Variants in SUMF1 observed in about 807,000 individuals in gnomAD.
The protein encoded by SUMF1 is formylglycine-generating enzyme.
SUMF1 carries 48 observed loss-of-function variants against 47.6 expected under a neutral mutation model. That is an observed-to-expected ratio of 1.01 (90% CI 0.80 to 1.28). The LOEUF (loss-of-function observed/expected upper bound fraction) is 1.28. Ranked by LOEUF, SUMF1 falls within the 50% of genes most tolerant of loss-of-function variation. SUMF1 has a pLI of 0.00. For synonymous variants in SUMF1, 230 were observed against 192.1 expected, an observed-to-expected ratio of 1.20 and a Z score of -1.63; for missense variants, 571 against 485.4, an observed-to-expected ratio of 1.18 and a Z score of -1.66.
At chr3:4,277,138 C>T (rs1697436761) in intron 8 of SUMF1, among the ~76,000 whole-genome samples, 1 of 152,098 alleles carries the variant, frequency 6.6e-6, no homozygotes, top group African/African-American at 2.4e-5. Context: ...ATCCCCCAAT[C>T]CCTAAACAAA....
chr3:4,428,635 T>C (rs973449085), intron 3 of SUMF1, among the ~76,000 whole-genome samples: 1 of 152,250 alleles, frequency 6.6e-6, no homozygotes, highest in Admixed American at 6.5e-5. Context: ...ATTACAGGCA[T>C]GAGCCACCTC....
chr3:4,048,711 C>T (rs974352488), intron 9 of SUMF1, among the ~76,000 whole-genome samples: 12 of 152,156 alleles, frequency 7.9e-5, no homozygotes, highest in Admixed American at 4.6e-4. Flanking sequence ...TTGACAAATA[C>T]AGTAGTCATG....
chr3:4,164,355 T>A (rs1020988285), intron 8 of SUMF1, among the ~76,000 whole-genome samples: 5 of 152,130 alleles, frequency 3.3e-5, no homozygotes, highest in Non-Finnish European at 7.4e-5. Context: ...CGGGGCTCAG[T>A]GAGGGTGATG....
At position 4,416,314 on chromosome 3, in the gene SUMF1, C is replaced by A. The variant is rs182920460; in HGVS notation, c.840+814G>T. Among the ~76,000 whole-genome samples, 327 of 151,458 alleles carry A rather than the reference C, an allele frequency of 2.2e-3. 2 individuals are homozygous for A. Among genetic ancestry groups the A allele is most frequent in the African/African-American group, 7.6e-3 (316 of 41,330 alleles). On this transcript the variant is annotated intron_variant, in intron 6 of 8. Transcript: ENST00000272902. ...AGATGTTCACTGTAGAAAAAAAAAA[C>A]AGAAATAACCTGTTTCCAGTAAATA...
chr3:4,264,533 G>A (rs1019352090), intron 8 of SUMF1, among the ~76,000 whole-genome samples: 1 of 152,114 alleles, frequency 6.6e-6, no homozygotes, highest in Non-Finnish European at 1.5e-5. Context: ...AAACAGCAGG[G>A]AAAGGCACAC....
At chr3:4,131,317 C>T (rs1198118013) in intron 8 of SUMF1, among the ~76,000 whole-genome samples, 1 of 152,152 alleles carries the variant, frequency 6.6e-6, no homozygotes, top group East Asian at 1.9e-4. Flanking sequence ...TCCATTTCTG[C>T]CACCCTGCCT....
At chr3:4,222,503 A>C (rs1172307990) in intron 8 of SUMF1, among the ~76,000 whole-genome samples, 1 of 152,080 alleles carries the variant, frequency 6.6e-6, no homozygotes, top group South Asian at 2.1e-4. Context: ...GGTACCCTCA[A>C]ATCCAACCTG....
intron 8 of SUMF1, among the ~76,000 whole-genome samples, chr3:4,277,148 A>ACTGAAC (rs1697436888): frequency 6.6e-6 from 1 of 152,034 alleles, no homozygotes; most frequent in South Asian, 2.1e-4. Flanking sequence ...CCCTAAACAA[A>ACTGAAC]CTGAACGTCT....
At chr3:4,338,231 C>A (rs1699194940) in intron 8 of SUMF1, among the ~76,000 whole-genome samples, 1 of 151,824 alleles carries the variant, frequency 6.6e-6, no homozygotes, top group South Asian at 2.1e-4. Flanking sequence ...GCTACAATCA[C>A]ACCATGCACT....
intron 9 of SUMF1, among the ~76,000 whole-genome samples, chr3:4,040,946 C>A (rs1417365705): frequency 6.6e-6 from 1 of 152,196 alleles, no homozygotes. Context: ...TTAGTAGACT[C>A]ATTTATTCAG....
At chr3:4,245,129 G>A (rs1424281007) in intron 8 of SUMF1, among the ~76,000 whole-genome samples, 1 of 151,906 alleles carries the variant, frequency 6.6e-6, no homozygotes, top group African/African-American at 2.4e-5. Context: ...ATTCTAGCTA[G>A]CCATTCATCT....
chr3:4,237,586 T>G (rs757052340), intron 8 of SUMF1, among the ~76,000 whole-genome samples: 2 of 152,096 alleles, frequency 1.3e-5, no homozygotes, highest in Non-Finnish European at 2.9e-5. Context: ...CACTTATCAT[T>G]CTCTTGACAG....
intron 7 of SUMF1, among the ~76,000 whole-genome samples, chr3:4,407,844 G>A (rs116066074): frequency 6.6e-6 from 1 of 152,260 alleles, no homozygotes; most frequent in Non-Finnish European, 1.5e-5. Context: ...AAAAATTGGA[G>A]TTTAAGGCCC....
chr3:4,316,166 G>GT (rs1212184881), intron 8 of SUMF1: 21 of 622,122 alleles, frequency 3.4e-5, no homozygotes, highest in East Asian at 3.3e-4. Context: ...ATTTCTTTAT[G>GT]TTTTTTTGCT....
At chr3:4,142,166 T>G (rs1694085810) in intron 8 of SUMF1, among the ~76,000 whole-genome samples, 1 of 152,178 alleles carries the variant, frequency 6.6e-6, no homozygotes, top group Non-Finnish European at 1.5e-5. Context: ...CTCTCCAAAA[T>G]TTCGCAAGGA....
intron 8 of SUMF1, among the ~76,000 whole-genome samples, chr3:4,122,924 T>G (rs1318009147): frequency 2.0e-5 from 3 of 152,158 alleles, no homozygotes; most frequent in Non-Finnish European, 4.4e-5. Context: ...ACCCAGGCAC[T>G]GGGGGACAGT....
chr3:4,365,945 G>A (rs909933053), intron 8 of SUMF1, among the ~76,000 whole-genome samples: 1 of 152,092 alleles, frequency 6.6e-6, no homozygotes, highest in Admixed American at 6.6e-5. Flanking sequence ...TTGCTTGTCT[G>A]TAAAGTATCT....
Position 4,467,113 on chromosome 3 carries a change from A to G in SUMF1, c.133T>C (p.Ser45Pro). The part of the protein sequence containing the change: ...QEAGTGAGAG[S>P]LAGSCGCGTP... ...CCGCAGCCGCAAGAACCCGCAAGGG[A>G]CCCCGCGCCCGCACCGGTCCCGGCC... Residue 45 changes from serine (S) to proline (P), a missense_variant, in exon 1 of 9, where the codon TCC becomes CCC. By Grantham distance (74) the Ser-to-Pro change is moderately conservative (BLOSUM62 -1). Coordinates refer to ENST00000272902, the MANE Select transcript of SUMF1 (RefSeq NM_182760.4). 6.4e-7 allele frequency: 1 copy of G among 1,561,082 alleles called. No individual in the cohort carries two copies. Among genetic ancestry groups the G allele is most frequent in the Non-Finnish European group, 8.7e-7 (1 of 1,154,186 alleles).
intron 8 of SUMF1, among the ~76,000 whole-genome samples, chr3:4,315,270 A>T (rs1698590655): frequency 6.6e-6 from 1 of 152,124 alleles, no homozygotes; most frequent in South Asian, 2.1e-4. Context: ...TCTTGCTCAC[A>T]AGCTCACCTA....
Sources: gnomAD v4.1 joint callset for allele counts (sites outside exome capture counted in the v4.1 genomes callset) on GRCh38, gnomAD v4.1.1 for gene constraint, MANE v1.5 for transcripts, NCBI Gene and HGNC (gene_info 2026-07-23, HGNC 2026-07-21) for gene names.